PLEKHG6: variants seen among roughly 807,000 people sequenced by gnomAD.
PLEKHG6 encodes pleckstrin homology domain-containing family G member 6.
In PLEKHG6, 91 loss-of-function variants were observed where a neutral mutation model predicts 97.5. The ratio of observed to expected loss-of-function variants is 0.93; its 90% CI spans 0.79 to 1.11. PLEKHG6 has a LOEUF of 1.11. Among genes scored for constraint, PLEKHG6 ranks in the 50% most tolerant of loss-of-function variants. The pLI is 0.00. For synonymous variants in PLEKHG6, 466 were observed against 425.5 expected (o/e 1.10, Z -1.17); for missense variants, 1,044 against 1,031.0 (o/e 1.01, Z -0.17).
At chr12:6,311,335 C>A (rs1947258931) in intron 1 of PLEKHG6, among the ~76,000 whole-genome samples, 1 of 152,200 alleles carries the variant, frequency 6.6e-6, no homozygotes, top group African/African-American at 2.4e-5. Context: ...ACTGGAGAAA[C>A]TCTAATTCTA....
intron 2 of PLEKHG6, chr12:6,313,225 A>G: frequency 3.3e-6 from 5 of 1,530,420 alleles, no homozygotes; most frequent in Non-Finnish European, 4.4e-6. Context: ...GAGGCTGGTC[A>G]TAGACAAGGA....
intron 1 of PLEKHG6, 82 bp from the exon 2 acceptor site, chr12:6,312,077 G>GC (rs974532692): frequency 8.5e-6 from 5 of 589,918 alleles, no homozygotes; most frequent in East Asian, 3.3e-5. Context: ...TCCCTCCCAG[G>GC]CCCCCTACCA....
At position 6,317,343 on chromosome 12, in the gene PLEKHG6, G is replaced by A. The variant is rs776235753; in HGVS notation, c.797G>A (p.Arg266Gln). The change falls in exon 8 of 16, where the codon CGA (arginine) becomes CAA (glutamine). Residue 266 changes from arginine (R) to glutamine (Q), a missense_variant. Coordinates refer to ENST00000684764, the MANE Select transcript of PLEKHG6 (RefSeq NM_001384598.1). Reference protein sequence around the residue: ...RFHPYVQYCLRVKQTMAYARE... With the variant: ...RFHPYVQYCLQVKQTMAYARE... ...CACCCCTATGTCCAGTACTGCCTCC[G>A]AGTGAAGCAGACCATGGCTTACGCC... 15 of 1,613,924 alleles carry A rather than the reference G, an allele frequency of 9.3e-6. No individual in the cohort carries two copies. Among genetic ancestry groups the A allele is most frequent in the Admixed American group, 1.7e-5 (1 of 60,002 alleles).
In PLEKHG6 at chr12:6,323,094, G is replaced by T. The variant is rs140424376; in HGVS notation, c.1525-3334G>T. Among the ~76,000 whole-genome samples, 697 of 152,064 alleles carry T rather than the reference G, an allele frequency of 4.6e-3. 3 individuals carry two copies. The highest frequency in any genetic ancestry group is 0.014 in the African/African-American group (580 of 41,470). On this transcript the variant is annotated intron_variant, in intron 13 of 15. Coordinates refer to ENST00000684764, the MANE Select transcript of PLEKHG6 (RefSeq NM_001384598.1). ...TTTCTCCTCTTTTTTTTGGTTTTTAGTCACAGAACAACAGCCAGACTCTCA... is the reference window on the plus strand; with the variant it reads ...TTTCTCCTCTTTTTTTTGGTTTTTATTCACAGAACAACAGCCAGACTCTCA...
Position 6,328,394 on chromosome 12 carries a change from A to C in PLEKHG6, c.*249A>C. ...CCCTGGCTGGGCATGGCTGCCTGTA[A>C]TCCCAGCACTTTGGGAGGCTGAGGT... On this transcript the variant is annotated 3_prime_UTR_variant, in exon 16 of 16. Coordinates refer to ENST00000684764, the MANE Select transcript of PLEKHG6 (RefSeq NM_001384598.1). The C allele has an allele frequency of 2.1e-6, 1 of 474,424 alleles. No individual in the cohort carries two copies. The highest frequency in any genetic ancestry group is 3.8e-6 in the Non-Finnish European group (1 of 266,630). 29.4% of individuals were successfully genotyped at this position (474,424 alleles called of 1,614,324 possible). A position where few individuals can be genotyped will look rare whatever the true frequency, so the allele number is the denominator to read the frequency against.
rs918566389 is a variant in PLEKHG6 at position 6,328,323 on chromosome 12, A to G, written c.*178A>G. 2 of 603,566 alleles carry G rather than the reference A, an allele frequency of 3.3e-6. No individual in the cohort carries two copies. Among genetic ancestry groups the G allele is most frequent in the African/African-American group, 1.9e-5 (1 of 53,918 alleles). 37.4% of individuals were successfully genotyped at this position (603,566 alleles called of 1,614,324 possible). ...ATCAAGAACTGTAAATTTATGTATC[A>G]TAGGTGCACCTGAGCCCCACAGAAA... On this transcript the variant is annotated 3_prime_UTR_variant, in exon 16 of 16. Transcript: ENST00000684764.
intron 1 of PLEKHG6, among the ~76,000 whole-genome samples, chr12:6,311,705 T>G (rs1947273167): frequency 6.6e-6 from 1 of 152,152 alleles, no homozygotes; most frequent in Non-Finnish European, 1.5e-5. Flanking sequence ...GGTGGCAGAC[T>G]GGGCTGTCTC....
intron 14 of PLEKHG6, 137 bp from the exon 15 acceptor site, chr12:6,327,117 A>C (rs552067601): frequency 3.2e-6 from 2 of 628,890 alleles, no homozygotes; most frequent in Non-Finnish European, 5.6e-6. Flanking sequence ...CAGATGAGAA[A>C]AACAATCACA....
At position 6,327,648 on chromosome 12, in the gene PLEKHG6, C is replaced by T. The variant is rs149885168; in HGVS notation, c.2065C>T (p.Arg689Trp). 29 of 1,559,772 alleles carry T rather than the reference C, an allele frequency of 1.9e-5. No homozygotes were observed. Among genetic ancestry groups the T allele is most frequent in the South Asian group, 1.2e-4 (10 of 86,162 alleles). ...GGTGGTGGAAACACTCCACAGGGCC[C>T]GGCTTCGGGGCCAGCTTCCCTCCTC... is the stretch of plus-strand genomic sequence containing the variant. ...NVVVETLHRARLRGQLPSSPT... is the reference protein window; with the variant it reads ...NVVVETLHRAWLRGQLPSSPT... Residue 689 changes from arginine (R) to tryptophan (W), a missense_variant, in exon 15 of 16, where the codon CGG becomes TGG. Arg to Trp is a moderately radical substitution (Grantham distance 101). Transcript: ENST00000684764.
At position 6,328,120 on chromosome 12, in the gene PLEKHG6, C is replaced by A. The variant is rs1251925149; in HGVS notation, c.2364-16C>A. ...TGCCACTGAATGTCGCCTAACACCC[C>A]CTCCTGTCTTTTCAGAGAGGTATGA... is the stretch of plus-strand genomic sequence containing the variant. On this transcript the variant is annotated splice_polypyrimidine_tract_variant and intron_variant, in intron 15 of 15. Transcript: ENST00000684764. 1.2e-6 allele frequency: 2 copies of A among 1,614,048 alleles called. No homozygotes were observed. Among genetic ancestry groups the A allele is most frequent in the Non-Finnish European group, 1.7e-6 (2 of 1,179,922 alleles).
intron 2 of PLEKHG6, chr12:6,313,185 A>C: frequency 1.3e-6 from 2 of 1,549,946 alleles, no homozygotes. Context: ...AAGGCTGCAC[A>C]TGTGAGTGCC....
Position 6,316,407 on chromosome 12 carries a change from G to T in PLEKHG6, c.756+3G>T. On this transcript the variant is annotated splice_donor_region_variant and intron_variant, in intron 7 of 15. Transcript: ENST00000684764. This position sits in a 1 kb window ranked among gnomAD's most constrained non-coding sequence, Gnocchi z 4.1. The stretch of plus-strand genomic sequence containing the variant: ...GTCTGCAAAGTGGCTTCCTGACGGT[G>T]AGGCCTGTGAAGGGCTGTGTCTGGA... The T allele has an allele frequency of 6.4e-7, 1 of 1,568,064 alleles. No individual in the cohort carries two copies. Among genetic ancestry groups the T allele is most frequent in the Admixed American group, 1.9e-5 (1 of 53,398 alleles).
chr12:6,317,759 T>TA lies in PLEKHG6; in HGVS notation c.1017+64dup, dbSNP rs551953024. 4.2e-5 allele frequency: 66 copies of TA among 1,590,206 alleles called. No homozygotes were observed. The East Asian group carries it at 9.3e-4, about 22-fold the overall frequency. The stretch of plus-strand genomic sequence containing the variant: ...GGGACTGGGAGGGGGGTCTCTTTCT[T>TA]AGTGTGTCTGTGACAGTGTGGCGCT... On this transcript the variant is annotated intron_variant, in intron 9 of 15. Transcript: ENST00000684764.
In PLEKHG6 at chr12:6,315,561, G is replaced by A; in HGVS notation, c.467G>A (p.Ser156Asn). 1.3e-6 allele frequency: 2 copies of A among 1,563,200 alleles called. No homozygotes were observed. Among genetic ancestry groups the A allele is most frequent in the Non-Finnish European group, 1.7e-6 (2 of 1,146,266 alleles). ...RELVPGHKEM[S>N]QELCHQQEAL... ...GCATTCTCCCCACCCCAGGAGATGA[G>A]CCAGGAGCTCTGCCACCAACAGGAG... The change falls in exon 5 of 16, where the codon AGC (serine) becomes AAC (asparagine). Residue 156 changes from serine (S) to asparagine (N), a missense_variant. By Grantham distance (46) the Ser-to-Asn change is conservative (BLOSUM62 1). Coordinates refer to ENST00000684764, the MANE Select transcript of PLEKHG6 (RefSeq NM_001384598.1). This position sits in a 1 kb window ranked among gnomAD's most constrained non-coding sequence, Gnocchi z 4.5.
chr12:6,319,207 G>T, intron 13 of PLEKHG6, 99 bp downstream of exon 13: 1 of 784,738 alleles, frequency 1.3e-6, no homozygotes, highest in Non-Finnish European at 2.1e-6. Flanking sequence ...CAGCACTTTG[G>T]GAGGCTGAGG....
intron 13 of PLEKHG6, among the ~76,000 whole-genome samples, chr12:6,322,549 G>A (rs927048863): frequency 8.5e-5 from 13 of 152,130 alleles, no homozygotes; most frequent in African/African-American, 3.1e-4. Context: ...CCACTAGGCT[G>A]GACTGACTGG....
intron 13 of PLEKHG6, among the ~76,000 whole-genome samples, chr12:6,322,180 C>G (rs1378230144): frequency 6.6e-6 from 1 of 152,168 alleles, no homozygotes; most frequent in Non-Finnish European, 1.5e-5. Flanking sequence ...AATGGGACCC[C>G]AGACAGAAAT....
At position 6,318,802 on chromosome 12, in the gene PLEKHG6, A is replaced by C; in HGVS notation, c.1333A>C (p.Lys445Gln). The C allele has an allele frequency of 1.2e-6, 2 of 1,614,026 alleles. No individual in the cohort carries two copies. Among genetic ancestry groups the C allele is most frequent in the Non-Finnish European group, 1.7e-6 (2 of 1,179,992 alleles). Residue 445 changes from lysine to glutamine, a missense_variant, in exon 12 of 16, where the codon AAG becomes CAG. Transcript: ENST00000684764. ...GCTCCTTGTGACCAAGCCCCAGCGC[A>C]AGGCGGACAAAGCCAAGGTCATCCG... is the stretch of plus-strand genomic sequence containing the variant. Reference protein sequence around the residue: ...DVLLVTKPQRKADKAKVIRPP... With the variant: ...DVLLVTKPQRQADKAKVIRPP...
chr12:6,327,479 T>TCG lies in PLEKHG6; in HGVS notation c.1897_1898insGC (p.Pro633ArgfsTer23). ...TGGAACTCCGGGACATCCCTCTGCG[T>TCG]CCCCACCCTCCCGACCCCCAAGCTC... On this transcript the variant is annotated frameshift_variant, in exon 15 of 16. Coordinates refer to ENST00000684764, the MANE Select transcript of PLEKHG6 (RefSeq NM_001384598.1). LOFTEE classifies it high-confidence loss of function. The TCG allele has an allele frequency of 6.2e-6, 10 of 1,603,216 alleles. No homozygotes were observed. The highest frequency in any genetic ancestry group is 1.1e-5 in the South Asian group (1 of 90,734).
Sources: gnomAD v4.1 joint callset for allele counts (sites outside exome capture counted in the v4.1 genomes callset) on GRCh38, gnomAD v4.1.1 for gene constraint, Gnocchi (gnomAD v3.1) non-coding constraint, MANE v1.5 for transcripts, NCBI Gene and HGNC (gene_info 2026-07-23, HGNC 2026-07-21) for gene names.